AACS: variants seen among roughly 807,000 people sequenced by gnomAD.
The protein encoded by AACS is acetoacetate-CoA ligase.
Under a neutral mutation model 83.1 loss-of-function variants are expected in AACS, and 69 were observed. That is an observed-to-expected ratio of 0.83 (90% CI 0.68 to 1.01). AACS has a LOEUF of 1.01. Ranked by LOEUF, AACS falls within the 50% of genes least tolerant of loss-of-function variation. The probability of loss-of-function intolerance (pLI) is 0.00; values close to 1 mark genes in which losing one functional copy is unlikely to be tolerated. For missense variants in AACS, 866 were observed against 882.2 expected (o/e 0.98, Z 0.23); for synonymous variants, 333 against 343.4 (o/e 0.97, Z 0.33).
Position 125,094,650 on chromosome 12 carries a change from T to G in AACS, c.570+3127T>G, listed in dbSNP as rs113208799. ...CTGTGCTTTACTTCTACCCATTCCA[T>G]GCTCTCTCCCACCACTGCCCACCTC... On this transcript the variant is annotated intron_variant, in intron 5 of 17. Transcript: ENST00000316519. This position sits in a 1 kb window ranked among gnomAD's most constrained non-coding sequence, Gnocchi z 4.1. 0.015 allele frequency among the ~76,000 whole-genome samples: 2,329 copies of G among 152,238 alleles called. 65 individuals carry two copies. The highest frequency in any genetic ancestry group is 0.053 in the African/African-American group (2,209 of 41,538).
At position 125,126,579 on chromosome 12, in the gene AACS, GT is replaced by G. The variant is rs35956139; in HGVS notation, c.1310-1565del. The G allele has an allele frequency of 1.7e-3, 237 of 140,076 alleles. 1 individual carries two copies. Among genetic ancestry groups the G allele is most frequent in the Middle Eastern group, 3.7e-3 (1 of 272 alleles). 8.7% of individuals were successfully genotyped at this position (140,076 alleles called of 1,614,324 possible). A position where few individuals can be genotyped will look rare whatever the true frequency, so the allele number is the denominator to read the frequency against. On this transcript the variant is annotated intron_variant, in intron 12 of 17. Transcript: ENST00000316519. The stretch of plus-strand genomic sequence containing the variant: ...GCTGCCCATAGAAATCTTTGGGTCA[GT>G]TTTTTTTTTTTTTTTTAAAGACAGG...
intron 8 of AACS, among the ~76,000 whole-genome samples, chr12:125,108,322 C>T (rs910885454): frequency 6.6e-6 from 1 of 152,212 alleles, no homozygotes; most frequent in Non-Finnish European, 1.5e-5. Flanking sequence ...CGGCCGCCTT[C>T]TTGCTCTGTC....
At chr12:125,124,531 G>A (rs1399627023) in intron 10 of AACS, 174 bp from the exon 11 acceptor site, 1 of 666,616 alleles carries the variant, frequency 1.5e-6, no homozygotes, top group Non-Finnish European at 2.5e-6. Flanking sequence ...GCACCTGTGA[G>A]GAAGTCAGGT....
At chr12:125,125,274 C>T (rs756353319) in intron 12 of AACS, among the ~76,000 whole-genome samples, 16 of 152,212 alleles carry the variant, frequency 1.1e-4, no homozygotes, top group Non-Finnish European at 2.4e-4. Context: ...CGATTATAGT[C>T]TTAAAATCCA....
At chr12:125,066,810 C>T (rs1359821572) in intron 1 of AACS, among the ~76,000 whole-genome samples, 4 of 152,022 alleles carry the variant, frequency 2.6e-5, no homozygotes, top group Non-Finnish European at 4.4e-5. Context: ...GCAGGGACTC[C>T]CTTGTTTCTG....
At position 125,071,920 on chromosome 12, in the gene AACS, C is replaced by T. The variant is rs887626602; in HGVS notation, c.134-1956C>T. On this transcript the variant is annotated intron_variant, in intron 1 of 17. Coordinates refer to ENST00000316519, the MANE Select transcript of AACS (RefSeq NM_023928.5). ...TTGCCCAGGCTGGAGTGCAGTGGCA[C>T]GATCTCGGCTCACTGCAACCTCTAC... Among the ~76,000 whole-genome samples the T allele has an allele frequency of 3.3e-5, 5 of 149,982 alleles. No individual in the cohort carries two copies. In the South Asian group the frequency reaches 8.5e-4, roughly 25 times the overall value.
At chr12:125,103,596 A>G (rs976903929) in intron 7 of AACS, among the ~76,000 whole-genome samples, 8 of 152,248 alleles carry the variant, frequency 5.3e-5, no homozygotes, top group African/African-American at 1.9e-4. Context: ...CTTTTAGGAC[A>G]TGCGTGTGTT....
At chr12:125,091,062 G>A in intron 4 of AACS, 1 of 294,504 alleles carries the variant, frequency 3.4e-6, no homozygotes, top group East Asian at 7.5e-5. Context: ...GAGACTGCTG[G>A]TGTGCGTGGA....
chr12:125,070,680 G>A (rs207473449), intron 1 of AACS, among the ~76,000 whole-genome samples: 1 of 152,128 alleles, frequency 6.6e-6, no homozygotes, highest in East Asian at 1.9e-4. Context: ...CTGTATGTCG[G>A]GCTCCATCTG....
Position 125,118,728 on chromosome 12 carries a change from A to C in AACS, c.1084A>C (p.Thr362Pro), listed in dbSNP as rs755100417. 57 of 1,614,026 alleles carry C rather than the reference A, an allele frequency of 3.5e-5. No individual in the cohort carries two copies. In the Middle Eastern group the frequency reaches 1.8e-3, roughly 51 times the overall value. ...VLYDGSPLVP[T>P]PNVLWDLVDR... ...GTACGATGGCTCCCCCCTGGTGCCC[A>C]CGCCCAATGTGCTCTGGGACCTGGT... is the stretch of plus-strand genomic sequence containing the variant. The change falls in exon 10 of 18, where the codon ACG becomes CCG. Residue 362 changes from threonine to proline, a missense_variant. Coordinates refer to ENST00000316519, the MANE Select transcript of AACS (RefSeq NM_023928.5).
chr12:125,098,399 A>T (rs1956657574), intron 5 of AACS, among the ~76,000 whole-genome samples: 1 of 151,538 alleles, frequency 6.6e-6, no homozygotes, highest in Non-Finnish European at 1.5e-5. Context: ...GTCTAAAAAA[A>T]AAAAAATCCT....
chr12:125,096,277 C>T (rs1417111389), intron 5 of AACS, among the ~76,000 whole-genome samples: 9 of 152,222 alleles, frequency 5.9e-5, no homozygotes, highest in Non-Finnish European at 1.5e-5. Flanking sequence ...CTGTGAAGGG[C>T]AGTAAGTGCT....
At position 125,129,268 on chromosome 12, in the gene AACS, A is replaced by C; in HGVS notation, c.1424-67A>C. The C allele has an allele frequency of 6.5e-7, 1 of 1,540,784 alleles. No individual in the cohort carries two copies. Among genetic ancestry groups the C allele is most frequent in the Non-Finnish European group, 8.7e-7 (1 of 1,145,164 alleles). Reference sequence around the variant, plus strand: ...CATAATAAGTAATAGCTTAAGAAAGAGAGAGAGACAGCCAGGGTGTGTGGC... The same window carrying C: ...CATAATAAGTAATAGCTTAAGAAAGCGAGAGAGACAGCCAGGGTGTGTGGC... On this transcript the variant is annotated intron_variant, in intron 13 of 17. Transcript: ENST00000316519. The surrounding 1 kb of genome is among the most constrained non-coding windows in gnomAD (Gnocchi z 4.3).
chr12:125,111,842 G>A (rs367760465), intron 8 of AACS, among the ~76,000 whole-genome samples: 187 of 152,286 alleles, frequency 1.2e-3, no homozygotes, highest in African/African-American at 4.3e-3. Flanking sequence ...AAATATTTAA[G>A]AATTAAGGGA....
At chr12:125,080,315 T>C (rs1321759893) in intron 3 of AACS, among the ~76,000 whole-genome samples, 1 of 152,134 alleles carries the variant, frequency 6.6e-6, no homozygotes, top group African/African-American at 2.4e-5. Flanking sequence ...AACGGTCAAA[T>C]GTGAATCCTT....
chr12:125,110,177 G>A (rs1344481632), intron 8 of AACS, among the ~76,000 whole-genome samples: 3 of 149,556 alleles, frequency 2.0e-5, no homozygotes, highest in Middle Eastern at 3.4e-3. Context: ...CCGCGACCAC[G>A]GCCGGCTAAG....
At chr12:125,101,762 C>CTTTTTTTTTTTTTT in intron 5 of AACS, 1 of 104,184 alleles carries the variant, frequency 9.6e-6, no homozygotes, top group Non-Finnish European at 1.7e-5. Flanking sequence ...CTTTGATCAA[C>CTTTTTTTTTTTTTT]TTTTTTTTTT....
Position 125,129,382 on chromosome 12 carries a change from A to T in AACS, c.1471A>T (p.Ile491Phe). 1 of 1,614,042 alleles carries T rather than the reference A, an allele frequency of 6.2e-7. No individual in the cohort carries two copies. Among genetic ancestry groups the T allele is most frequent in the Non-Finnish European group, 8.5e-7 (1 of 1,179,994 alleles). Residue 491 changes from isoleucine (I) to phenylalanine (F), a missense_variant, in exon 14 of 18, where the codon ATC (isoleucine) becomes TTC (phenylalanine). Ile to Phe is a conservative substitution (Grantham distance 21, BLOSUM62 0). Coordinates refer to ENST00000316519, the MANE Select transcript of AACS (RefSeq NM_023928.5). This position sits in a 1 kb window ranked among gnomAD's most constrained non-coding sequence, Gnocchi z 4.3. ...CGGCGAGCTGGTGTGTACTAAGCCG[A>T]TCCCTTGCCAGCCCACACACTTCTG... is the stretch of plus-strand genomic sequence containing the variant. ...ESGELVCTKP[I>F]PCQPTHFWND...
chr12:125,119,147 A>T (rs1957110114), intron 10 of AACS, among the ~76,000 whole-genome samples: 1 of 152,222 alleles, frequency 6.6e-6, no homozygotes, highest in Non-Finnish European at 1.5e-5. Context: ...TGAAATGAGT[A>T]CTGCAGTCAG....
Sources: allele counts gnomAD v4.1 joint callset (sites outside exome capture counted in the v4.1 genomes callset), GRCh38; gene constraint gnomAD v4.1.1; non-coding constraint Gnocchi (gnomAD v3.1); transcripts MANE v1.5; gene names NCBI Gene and HGNC (gene_info 2026-07-23, HGNC 2026-07-21).